The following EMC3 variants were observed in gnomAD, a reference collection of about 807,000 sequenced individuals.
EMC3 encodes the protein ER membrane protein complex subunit 3.
In EMC3, 13 loss-of-function variants were observed where a neutral mutation model predicts 36.6. The observed-to-expected ratio is 0.35, with a 90% CI of 0.23 to 0.56. The LOEUF is 0.56. EMC3 is among the 20% of genes least tolerant of loss of function. The pLI, the probability that EMC3 is intolerant of heterozygous loss-of-function variation, is 0.84. For synonymous variants in EMC3, 120 were observed against 111.9 expected, an observed-to-expected ratio of 1.07 and a Z score of -0.46; for missense variants, 220 against 324.5, an observed-to-expected ratio of 0.68 and a Z score of 2.47.
At chr3:10,001,951 A>G (rs1247633018) in intron 1 of EMC3, among the ~76,000 whole-genome samples, 1 of 152,156 alleles carries the variant, frequency 6.6e-6, no homozygotes, top group Non-Finnish European at 1.5e-5. Flanking sequence ...GTGAGCCGAG[A>G]TCACGCCACT....
chr3:9,967,766 T>C (rs2085747790), intron 7 of EMC3, among the ~76,000 whole-genome samples: 1 of 152,258 alleles, frequency 6.6e-6, no homozygotes, highest in African/African-American at 2.4e-5. Context: ...TTTATAGGGA[T>C]TGTGTTCAAT....
intron 1 of EMC3, among the ~76,000 whole-genome samples, chr3:9,980,368 ATT>A (rs112044792): frequency 5.0e-5 from 7 of 141,012 alleles, no homozygotes; most frequent in Admixed American, 7.1e-5. Context: ...CTAATGAAGG[ATT>A]TTTTTTTTTT....
chr3:9,990,362 T>C (rs1266291831), upstream of EMC3, among the ~76,000 whole-genome samples: 1 of 128,984 alleles, frequency 7.8e-6, no homozygotes, highest in Non-Finnish European at 1.6e-5. Context: ...AGAGACTAAG[T>C]CTTGCTCTGT....
chr3:10,000,985 T>G (rs1368664340), intron 1 of EMC3: 5 of 276,428 alleles, frequency 1.8e-5, no homozygotes, highest in East Asian at 9.5e-5. Flanking sequence ...CCACGAAGGT[T>G]GCCACTCCAA....
intron 7 of EMC3, among the ~76,000 whole-genome samples, chr3:9,965,588 G>A (rs1349231355): frequency 6.6e-6 from 1 of 152,026 alleles, no homozygotes; most frequent in Non-Finnish European, 1.5e-5. Flanking sequence ...ATTCATATGT[G>A]CAACCACCAC....
chr3:9,984,632 C>A (rs2085950321), intron 1 of EMC3, among the ~76,000 whole-genome samples: 1 of 152,146 alleles, frequency 6.6e-6, no homozygotes, highest in Non-Finnish European at 1.5e-5. Flanking sequence ...ACCTCGTGAT[C>A]CGTCCGCCTC....
chr3:9,966,225 G>GTTT (rs1264198471), intron 7 of EMC3, among the ~76,000 whole-genome samples: 4 of 138,936 alleles, frequency 2.9e-5, no homozygotes, highest in Admixed American at 7.3e-5. Context: ...AGTGGTATCT[G>GTTT]TTTTTTTTTT....
At chr3:9,964,321 A>C in intron 7 of EMC3, 124 bp from the exon 8 acceptor site, 9 of 1,428,368 alleles carry the variant, frequency 6.3e-6, no homozygotes, top group Non-Finnish European at 8.3e-6. Flanking sequence ...GTATAAGCTC[A>C]TTCAATCCTA....
intron 7 of EMC3, among the ~76,000 whole-genome samples, chr3:9,967,904 C>T (rs921385962): frequency 2.0e-5 from 3 of 152,154 alleles, no homozygotes; most frequent in African/African-American, 4.8e-5. Context: ...TTCAGTATGT[C>T]GGTTTAAATC....
At position 10,007,691 on chromosome 3, in the gene EMC3, G is replaced by A. The variant is rs567796954; in HGVS notation, c.-242+3332C>T. 58 of 1,309,452 alleles carry A rather than the reference G, an allele frequency of 4.4e-5. No individual in the cohort carries two copies. In the African/African-American group the frequency reaches 5.7e-4, roughly 13 times the overall value. 81.1% of individuals were successfully genotyped at this position (1,309,452 alleles called of 1,614,324 possible). A position where few individuals can be genotyped will look rare whatever the true frequency, so the allele number is the denominator to read the frequency against. ...GTAGGTTCCAGCTTCCCAGGAACCCGGTTTGTCCGTGTCTGGCAGTGAATC... is the reference window on the plus strand; with the variant it reads ...GTAGGTTCCAGCTTCCCAGGAACCCAGTTTGTCCGTGTCTGGCAGTGAATC... On this transcript the variant is annotated intron_variant, in intron 1 of 8. Coordinates refer to the EMC3 transcript ENST00000470827.
chr3:9,987,188 T>C, upstream of EMC3: 2 of 918,960 alleles, frequency 2.2e-6, no homozygotes, highest in Non-Finnish European at 2.5e-6. Context: ...CACTCCAGCC[T>C]GGGCGACAGA....
intron 7 of EMC3, among the ~76,000 whole-genome samples, chr3:9,968,343 T>C (rs2085752366): frequency 6.6e-6 from 1 of 152,278 alleles, no homozygotes; most frequent in Admixed American, 6.5e-5. Flanking sequence ...ACAATTGATG[T>C]TGAACTTATT....
At chr3:9,987,291 T>G (rs940185618), upstream of EMC3, 1 of 983,958 alleles carries the variant, frequency 1.0e-6, no homozygotes, top group Non-Finnish European at 1.2e-6. Context: ...GTGGTCGTAG[T>G]CTCTCGAGGC....
At chr3:9,972,684 C>T (rs13061573) in intron 5 of EMC3, among the ~76,000 whole-genome samples, 1 of 151,060 alleles carries the variant, frequency 6.6e-6, no homozygotes, top group African/African-American at 2.4e-5. Context: ...GCAGGAGAAT[C>T]GCTTGAACCT....
chr3:9,990,915 G>A (rs754109820), upstream of EMC3, among the ~76,000 whole-genome samples: 66 of 151,926 alleles, frequency 4.3e-4, no homozygotes, highest in African/African-American at 9.9e-4. Context: ...TGCAAGCTCC[G>A]CCTCCCGGGT....
At chr3:10,007,482 G>T (rs2086276663) in intron 1 of EMC3, 6 of 1,367,688 alleles carry the variant, frequency 4.4e-6, no homozygotes, top group Non-Finnish European at 5.9e-6. Context: ...TGTGGCATTG[G>T]CCTTTCTGCT....
At chr3:9,987,004 AG>A, upstream of EMC3, 1 of 1,073,612 alleles carries the variant, frequency 9.3e-7, no homozygotes, top group East Asian at 7.1e-5. Flanking sequence ...TCACGAGGTC[AG>A]GGGATCGAGA....
At chr3:9,976,131 G>A (rs1234299036) in intron 3 of EMC3, among the ~76,000 whole-genome samples, 1 of 151,986 alleles carries the variant, frequency 6.6e-6, no homozygotes, top group African/African-American at 2.4e-5. Context: ...TTCGGAGATG[G>A]AGTCTTGCTC....
intron 1 of EMC3, chr3:10,004,604 G>T (rs867155168): frequency 6.6e-6 from 1 of 152,256 alleles, no homozygotes; most frequent in East Asian, 1.9e-4. Context: ...GTCTGGGCAG[G>T]GCCTTTGCCC....
Sources: gnomAD v4.1 joint callset for allele counts (sites outside exome capture counted in the v4.1 genomes callset) on GRCh38, gnomAD v4.1.1 for gene constraint, MANE v1.5 for transcripts, NCBI Gene and HGNC (gene_info 2026-07-23, HGNC 2026-07-21) for gene names.